Variants in RPL19 observed in about 807,000 individuals in gnomAD.
RPL19 encodes the protein ribosomal protein L19.
A neutral mutation model predicts 25.1 loss-of-function variants in RPL19; 2 were observed. That is an observed-to-expected ratio of 0.08 (90% confidence interval 0.03 to 0.25). The LOEUF is 0.25. Ranked by LOEUF, RPL19 falls within the 10% of genes least tolerant of loss-of-function variation. The pLI, the probability that RPL19 is intolerant of heterozygous loss-of-function variation, is 1.00. For synonymous variants in RPL19, 89 were observed against 91.2 expected, an observed-to-expected ratio of 0.98 and a Z score of 0.14; for missense variants, 123 against 271.8, an observed-to-expected ratio of 0.45 and a Z score of 3.85.
Position 39,200,406 on chromosome 17 carries a change from T to C in RPL19, c.5+57T>C, listed in dbSNP as rs2046277740. ...ACGCGTGTCGACAAGGGACTGTCGGTCTTGGGACCGCAGCTGGGGTTGGGG... is the reference window on the plus strand; with the variant it reads ...ACGCGTGTCGACAAGGGACTGTCGGCCTTGGGACCGCAGCTGGGGTTGGGG... On this transcript the variant is annotated intron_variant, in intron 1 of 5. Transcript: ENST00000225430. 5 of 1,494,982 alleles carry C rather than the reference T, an allele frequency of 3.3e-6. No homozygotes were observed. In the South Asian group the frequency reaches 6.4e-5, roughly 19 times the overall value. 92.6% of individuals were successfully genotyped at this position (1,494,982 alleles called of 1,614,324 possible).
At position 39,204,692 on chromosome 17, in the gene RPL19, A is replaced by G. The variant is rs774945832; in HGVS notation, c.*44A>G. On this transcript the variant is annotated 3_prime_UTR_variant, in exon 6 of 6. Coordinates refer to ENST00000225430, the MANE Select transcript of RPL19 (RefSeq NM_000981.4). ...TACATACTGGCCTCTGTGATTACAT[A>G]GATCAGCCATTAAAATAAAACAAGC... The G allele has an allele frequency of 2.5e-6, 4 of 1,582,514 alleles. No individual in the cohort carries two copies. Among genetic ancestry groups the G allele is most frequent in the Non-Finnish European group, 3.5e-6 (4 of 1,158,506 alleles).
chr17:39,200,616 A>G (rs1014644937), intron 1 of RPL19: 11 of 1,226,014 alleles, frequency 9.0e-6, no homozygotes, highest in Admixed American at 4.1e-5. Flanking sequence ...GAGCAGAGCA[A>G]ACGGAGCGAA....
chr17:39,200,817 G>A, intron 1 of RPL19: 1 of 979,496 alleles, frequency 1.0e-6, no homozygotes, highest in Non-Finnish European at 1.2e-6. Flanking sequence ...AGCCGAACGA[G>A]GCTTGTTACT....
intron 2 of RPL19, 124 bp from the exon 3 acceptor site, chr17:39,202,193 G>A (rs2046295025): frequency 1.7e-6 from 2 of 1,196,980 alleles, no homozygotes; most frequent in East Asian, 2.5e-5. Context: ...ATAAGTTCCA[G>A]TGTTTCCATC....
rs1436955755 is a variant in RPL19 at position 39,204,717 on chromosome 17, C to T, written c.*69C>T. On this transcript the variant is annotated 3_prime_UTR_variant, in exon 6 of 6. Coordinates refer to ENST00000225430, the MANE Select transcript of RPL19 (RefSeq NM_000981.4). ...AGATCAGCCATTAAAATAAAACAAG[C>T]CTTAATCTGCCTTCCTCTCTGCTTC... 6.8e-7 allele frequency: 1 copy of T among 1,470,212 alleles called. No individual in the cohort carries two copies. Among genetic ancestry groups the T allele is most frequent in the Non-Finnish European group, 9.4e-7 (1 of 1,068,014 alleles). The allele number at this position is 1,470,212 out of a possible 1,614,324, so 91.1% of individuals were successfully genotyped here.
intron 3 of RPL19, 87 bp downstream of exon 3, chr17:39,202,526 C>T (rs2046298419): frequency 6.6e-7 from 1 of 1,507,182 alleles, no homozygotes; most frequent in South Asian, 1.2e-5. Flanking sequence ...TCTGTCTCAT[C>T]TTGAGCCTGT....
intron 1 of RPL19, chr17:39,200,695 A>ATGTAGGGCAAGCCTAG: frequency 9.1e-7 from 1 of 1,099,060 alleles, no homozygotes; most frequent in Non-Finnish European, 1.1e-6. Flanking sequence ...CTTTCACGTG[A>ATGTAGGGCAAGCCTAG]TGTAGGGCAA....
At chr17:39,203,723 T>TCTCGAACTCCTGGC (rs1370132697) in intron 4 of RPL19, among the ~76,000 whole-genome samples, 3 of 151,106 alleles carry the variant, frequency 2.0e-5, no homozygotes, top group Non-Finnish European at 4.4e-5. Flanking sequence ...GCCAGGCTGG[T>TCTCGAACTCCTGGC]CTCGAACTCC....
At position 39,200,301 on chromosome 17, in the gene RPL19, C is replaced by G. The variant is rs926370036; in HGVS notation, c.-44C>G. 23 of 1,518,670 alleles carry G rather than the reference C, an allele frequency of 1.5e-5. No individual in the cohort carries two copies. The highest frequency in any genetic ancestry group is 2.5e-5 in the East Asian group (1 of 40,504). The allele number at this position is 1,518,670 out of a possible 1,614,324, so 94.1% of individuals were successfully genotyped here. A position where few individuals can be genotyped will look rare whatever the true frequency, so the allele number is the denominator to read the frequency against. ...CCCCTTCGCAGATAATGGGAGGAGC[C>G]GGGCCCGAGCGAGCTCTTTCCTTTC... On this transcript the variant is annotated 5_prime_UTR_variant, in exon 1 of 6. Coordinates refer to ENST00000225430, the MANE Select transcript of RPL19 (RefSeq NM_000981.4).
chr17:39,202,481 G>T lies in RPL19; in HGVS notation c.235+42G>T, dbSNP rs761816531. 10 of 1,610,318 alleles carry T rather than the reference G, an allele frequency of 6.2e-6. No individual in the cohort carries two copies. In the East Asian group the frequency reaches 8.9e-5, roughly 14 times the overall value. Reference sequence around the variant, plus strand: ...TCTCCTTAAGAAATGATAGGTGCTGGCATCTATGCTGAAATATATTCAGGA... The same window carrying T: ...TCTCCTTAAGAAATGATAGGTGCTGTCATCTATGCTGAAATATATTCAGGA... On this transcript the variant is annotated intron_variant, in intron 3 of 5. Coordinates refer to ENST00000225430, the MANE Select transcript of RPL19 (RefSeq NM_000981.4).
intron 4 of RPL19, 76 bp from the exon 5 acceptor site, chr17:39,204,001 T>C (rs1246492389): frequency 1.3e-6 from 1 of 788,402 alleles, no homozygotes; most frequent in Non-Finnish European, 2.3e-6. Flanking sequence ...TTAGTGACCT[T>C]GGGTGGAGGA....
Position 39,200,352 on chromosome 17 carries a change from G to C in RPL19, c.5+3G>C. ...GCTGCTGCGGCCGCAGCCATGAGGT[G>C]AGGGCGAGCTGGTCTCCATCAGGCG... On this transcript the variant is annotated splice_donor_region_variant and intron_variant, in intron 1 of 5. Transcript: ENST00000225430. 6.4e-7 allele frequency: 1 copy of C among 1,568,520 alleles called. No homozygotes were observed. The highest frequency in any genetic ancestry group is 2.4e-5 in the East Asian group (1 of 42,378).
rs1409063798 is a variant in RPL19, at chr17:39,204,708, TAAAAC to T, written c.*63_*67del. On this transcript the variant is annotated 3_prime_UTR_variant, in exon 6 of 6. Coordinates refer to ENST00000225430, the MANE Select transcript of RPL19 (RefSeq NM_000981.4). ...TGATTACATAGATCAGCCATTAAAA[TAAAAC>T]AAGCCTTAATCTGCCTTCCTCTCTG... The T allele has an allele frequency of 2.2e-5, 34 of 1,542,558 alleles. No homozygotes were observed. Among genetic ancestry groups the T allele is most frequent in the Non-Finnish European group, 2.8e-5 (32 of 1,128,430 alleles).
intron 3 of RPL19, 129 bp from the exon 4 acceptor site, chr17:39,202,860 A>C: frequency 9.9e-7 from 1 of 1,010,030 alleles, no homozygotes; most frequent in Non-Finnish European, 1.5e-6. Context: ...AAATGGAAGT[A>C]ATGCTACTTA....
At chr17:39,202,506 A>T in intron 3 of RPL19, 67 bp downstream of exon 3, 1 of 1,572,188 alleles carries the variant, frequency 6.4e-7, no homozygotes, top group Non-Finnish European at 8.7e-7. Flanking sequence ...TATATTCAGG[A>T]TCTAAGCACT....
At chr17:39,202,649 A>G (rs903878762) in intron 3 of RPL19, 2 of 629,808 alleles carry the variant, frequency 3.2e-6, no homozygotes, top group South Asian at 2.0e-5. Flanking sequence ...CTAAGTCCCT[A>G]CCTACACTAT....
rs764584897 is a variant in RPL19 at position 39,201,155 on chromosome 17, C to T, written c.6-58C>T. ...CACAAAGGGCAGGTCTTGATGGGGACGTTCATTCTTGCCCAGGATTGGCTT... is the reference window on the plus strand; with the variant it reads ...CACAAAGGGCAGGTCTTGATGGGGATGTTCATTCTTGCCCAGGATTGGCTT... On this transcript the variant is annotated intron_variant, in intron 1 of 5. Coordinates refer to ENST00000225430, the MANE Select transcript of RPL19 (RefSeq NM_000981.4). 10 of 1,120,574 alleles carry T rather than the reference C, an allele frequency of 8.9e-6. No individual in the cohort carries two copies. In the South Asian group the frequency reaches 9.0e-5, roughly 10 times the overall value. 69.4% of individuals were successfully genotyped at this position (1,120,574 alleles called of 1,614,324 possible).
At chr17:39,203,709 G>A (rs932927731) in intron 4 of RPL19, among the ~76,000 whole-genome samples, 3 of 151,578 alleles carry the variant, frequency 2.0e-5, no homozygotes, top group East Asian at 1.9e-4. Flanking sequence ...TGGTTTCACC[G>A]TTGGCCAGGC....
intron 2 of RPL19, 71 bp from the exon 3 acceptor site, chr17:39,202,246 G>A (rs2046295615): frequency 1.3e-6 from 2 of 1,587,488 alleles, no homozygotes; most frequent in African/African-American, 2.7e-5. Context: ...AGTGTCTCTG[G>A]CCTGGCCTAT....
Sources: allele counts gnomAD v4.1 joint callset (sites outside exome capture counted in the v4.1 genomes callset), GRCh38; gene constraint gnomAD v4.1.1; transcripts MANE v1.5; gene names NCBI Gene and HGNC (gene_info 2026-07-23, HGNC 2026-07-21).